Variants in SLC22A3 observed in about 807,000 individuals in gnomAD.
The protein encoded by SLC22A3 is EMT organic cation transporter 3.
A neutral mutation model predicts 59.1 loss-of-function variants in SLC22A3; 51 were observed. That is an observed-to-expected ratio of 0.86 (90% CI 0.69 to 1.09). The LOEUF (loss-of-function observed/expected upper bound fraction) is 1.09, where lower values mean the gene tolerates loss of function less well. SLC22A3 is among the 50% of genes least tolerant of loss of function. SLC22A3 has a pLI of 0.00. For synonymous variants in SLC22A3, 325 were observed against 292.0 expected, an observed-to-expected ratio of 1.11 and a Z score of -1.15; for missense variants, 711 against 726.3, an observed-to-expected ratio of 0.98 and a Z score of 0.24.
Position 160,442,866 on chromosome 6 carries a change from T to C in SLC22A3, c.1394T>C (p.Leu465Ser). 1 of 1,605,718 alleles carries C rather than the reference T, an allele frequency of 6.2e-7. No individual in the cohort carries two copies. The highest frequency in any genetic ancestry group is 2.2e-5 in the East Asian group (1 of 44,798). The change falls in exon 8 of 11, where the codon TTA becomes TCA. Residue 465 changes from leucine to serine, a missense_variant. Leu to Ser is a moderately radical substitution (Grantham distance 145, BLOSUM62 -2). Transcript: ENST00000275300. ...AATTCAGAATTGTACCCAACAACAT[T>C]ACGGTAATTCTAACAAACGTTATAG... ...LVNSELYPTT[L>S]RNFGVSLCSG... is the part of the protein sequence containing the mutation.
intron 5 of SLC22A3, among the ~76,000 whole-genome samples, chr6:160,430,368 G>C (rs779663681): frequency 6.6e-6 from 1 of 151,898 alleles, no homozygotes; most frequent in Non-Finnish European, 1.5e-5. Flanking sequence ...TTTCTGACCC[G>C]AGACCAGTCC....
chr6:160,358,954 G>A (rs1339312579), intron 1 of SLC22A3, among the ~76,000 whole-genome samples: 1 of 152,196 alleles, frequency 6.6e-6, no homozygotes, highest in Non-Finnish European at 1.5e-5. Flanking sequence ...GGGCTGCAGG[G>A]CTTGAACTCC....
chr6:160,358,894 CCAGGACAGGACTAGACCAGAGCT>C (rs1201736877), intron 1 of SLC22A3, among the ~76,000 whole-genome samples: 1 of 152,148 alleles, frequency 6.6e-6, no homozygotes, highest in African/African-American at 2.4e-5. Flanking sequence ...CCGGGAAATC[CCAGGACAGGACTAGACCAGAGCT>C]CAGTGAGGGC....
rs9364555 is a variant in SLC22A3, at chr6:160,416,676, A to T, written c.975+5830A>T. Among the ~76,000 whole-genome samples the T allele has an allele frequency of 4.7e-4, 71 of 152,040 alleles. No individual in the cohort carries two copies. The East Asian group carries it at 0.011, about 24-fold the overall frequency. ...TCTTTTACAGTGCAGTAAATGTGAA[A>T]TTTTTCTTTGGTATTAGTTAGACAT... On this transcript the variant is annotated intron_variant, in intron 5 of 10. Coordinates refer to ENST00000275300, the MANE Select transcript of SLC22A3 (RefSeq NM_021977.4).
intron 1 of SLC22A3, among the ~76,000 whole-genome samples, chr6:160,369,131 G>C (rs562339758): frequency 2.0e-5 from 3 of 152,142 alleles, no homozygotes; most frequent in Non-Finnish European, 4.4e-5. Context: ...ACTTTCAGGG[G>C]ATTTTCATAT....
chr6:160,364,425 G>A (rs1336691061), intron 1 of SLC22A3, among the ~76,000 whole-genome samples: 1 of 152,228 alleles, frequency 6.6e-6, no homozygotes, highest in Non-Finnish European at 1.5e-5. Flanking sequence ...ACACAGATGA[G>A]TAGATGGGTG....
At chr6:160,389,286 G>C (rs1205428632) in intron 1 of SLC22A3, among the ~76,000 whole-genome samples, 1 of 152,014 alleles carries the variant, frequency 6.6e-6, no homozygotes, top group Non-Finnish European at 1.5e-5. Flanking sequence ...CAGTTCCTTG[G>C]AATATCCAAC....
chr6:160,408,729 C>T, intron 3 of SLC22A3, 24 bp from the exon 4 acceptor site: 1 of 1,612,336 alleles, frequency 6.2e-7, no homozygotes, highest in Non-Finnish European at 8.5e-7. Context: ...GCTTCTGTGA[C>T]CTCTTGTGTT....
intron 1 of SLC22A3, among the ~76,000 whole-genome samples, chr6:160,374,538 A>G (rs1406067857): frequency 2.0e-5 from 3 of 152,264 alleles, no homozygotes; most frequent in Admixed American, 6.5e-5. Flanking sequence ...TCATATGCTC[A>G]TGCCTCACTA....
At position 160,437,058 on chromosome 6, in the gene SLC22A3, C is replaced by G. The variant is rs1431486050; in HGVS notation, c.1135C>G (p.Leu379Val). 2 of 1,614,008 alleles carry G rather than the reference C, an allele frequency of 1.2e-6. No homozygotes were observed. The highest frequency in any genetic ancestry group is 4.5e-5 in the East Asian group (2 of 44,894). ...GCGCCTGGGAATTATAGGGGGCAAC[C>G]TCTATATAGACTTTTTCATCTCGGG... ...VMRLGIIGGN[L>V]YIDFFISGVV... is the part of the protein sequence containing the mutation. Residue 379 changes from leucine (L) to valine (V), a missense_variant, in exon 7 of 11, where the codon CTC becomes GTC. Physicochemically the swap from Leu to Val is conservative, Grantham distance 32. Transcript: ENST00000275300.
In SLC22A3 at chr6:160,437,066, A is replaced by G; in HGVS notation, c.1143A>G (p.Ile381Met). The part of the protein sequence containing the change: ...RLGIIGGNLY[I>M]DFFISGVVEL... Reference sequence around the variant, plus strand: ...GAATTATAGGGGGCAACCTCTATATAGACTTTTTCATCTCGGGCGTGGTGG... The same window carrying G: ...GAATTATAGGGGGCAACCTCTATATGGACTTTTTCATCTCGGGCGTGGTGG... Residue 381 changes from isoleucine to methionine, a missense_variant, in exon 7 of 11, where the codon ATA becomes ATG. Physicochemically the swap from Ile to Met is conservative, Grantham distance 10 (BLOSUM62 1). Coordinates refer to ENST00000275300, the MANE Select transcript of SLC22A3 (RefSeq NM_021977.4). The G allele has an allele frequency of 6.2e-7, 1 of 1,614,158 alleles. No homozygotes were observed. Among genetic ancestry groups the G allele is most frequent in the Non-Finnish European group, 8.5e-7 (1 of 1,180,010 alleles).
intron 7 of SLC22A3, among the ~76,000 whole-genome samples, chr6:160,442,337 C>T (rs1788574437): frequency 6.6e-6 from 1 of 152,176 alleles, no homozygotes; most frequent in African/African-American, 2.4e-5. Flanking sequence ...TTCCTTGTGT[C>T]ACCACCGCAA....
At position 160,415,883 on chromosome 6, in the gene SLC22A3, A is replaced by G. The variant is rs1583492811; in HGVS notation, c.975+5037A>G. 6.6e-6 allele frequency among the ~76,000 whole-genome samples: 1 copy of G among 152,352 alleles called. No homozygotes were observed. The highest frequency in any genetic ancestry group is 1.5e-5 in the Non-Finnish European group (1 of 68,028). On this transcript the variant is annotated intron_variant, in intron 5 of 10. Transcript: ENST00000275300. This position sits in a 1 kb window ranked among gnomAD's most constrained non-coding sequence, Gnocchi z 4.1. ...CTAAGGACCTAGCTTAAATCTACCC[A>G]AGGATGTTCCATATTACAGATAAGC... is the stretch of plus-strand genomic sequence containing the variant.
At chr6:160,348,908 G>A (rs1784568585) in intron 1 of SLC22A3, 60 bp downstream of exon 1, 13 of 1,534,592 alleles carry the variant, frequency 8.5e-6, no homozygotes, top group Non-Finnish European at 9.6e-6. Context: ...CTCCCAGGCG[G>A]ACAAGCCGCG....
At chr6:160,394,142 A>G (rs1485539834) in intron 1 of SLC22A3, among the ~76,000 whole-genome samples, 1 of 152,092 alleles carries the variant, frequency 6.6e-6, no homozygotes, top group East Asian at 1.9e-4. Context: ...GTATACTTTG[A>G]AAAAAAATAG....
intron 9 of SLC22A3, among the ~76,000 whole-genome samples, chr6:160,445,120 C>T (rs934930148): frequency 2.0e-5 from 3 of 152,320 alleles, no homozygotes; most frequent in East Asian, 1.9e-4. Context: ...AAAAACTCAG[C>T]GACAACAGAA....
chr6:160,436,710 G>A, intron 5 of SLC22A3, 70 bp from the exon 6 acceptor site: 3 of 956,804 alleles, frequency 3.1e-6, no homozygotes, highest in South Asian at 1.4e-5. Flanking sequence ...TCTGGTTAAT[G>A]ACAAGTCTAT....
intron 1 of SLC22A3, among the ~76,000 whole-genome samples, chr6:160,395,464 T>C (rs1052269023): frequency 6.6e-6 from 1 of 152,252 alleles, no homozygotes; most frequent in Admixed American, 6.5e-5. Context: ...TTGATACTTT[T>C]CCAAAGCAAA....
chr6:160,391,980 G>C (rs1786277462), intron 1 of SLC22A3, among the ~76,000 whole-genome samples: 1 of 152,194 alleles, frequency 6.6e-6, no homozygotes, highest in African/African-American at 2.4e-5. Flanking sequence ...GAACCTTGGA[G>C]AACAGCTTCT....
Sources: gnomAD v4.1 joint callset for allele counts (sites outside exome capture counted in the v4.1 genomes callset) on GRCh38, gnomAD v4.1.1 for gene constraint, Gnocchi (gnomAD v3.1) non-coding constraint, MANE v1.5 for transcripts, NCBI Gene and HGNC (gene_info 2026-07-23, HGNC 2026-07-21) for gene names.